The following MEIS1 variants were observed in gnomAD, a reference collection of about 807,000 sequenced individuals.
The protein encoded by MEIS1 is homeobox protein Meis1.
MEIS1 carries 5 observed loss-of-function variants against 50.8 expected under a neutral mutation model. The ratio of observed to expected loss-of-function variants is 0.10; its 90% CI spans 0.05 to 0.21. The LOEUF (loss-of-function observed/expected upper bound fraction) is 0.21, where lower values mean the gene tolerates loss of function less well. Ranked by LOEUF, MEIS1 falls within the 10% of genes least tolerant of loss-of-function variation. The pLI, the probability that MEIS1 is intolerant of heterozygous loss-of-function variation, is 1.00. For synonymous variants in MEIS1, 176 were observed against 179.3 expected (o/e 0.98, Z 0.15); for missense variants, 318 against 517.3 (o/e 0.61, Z 3.74).
At chr2:66,473,397 A>AAAAAAAAACAAAATATATATATAT in intron 7 of MEIS1, among the ~76,000 whole-genome samples, 1 of 107,614 alleles carries the variant, frequency 9.3e-6, no homozygotes, top group Non-Finnish European at 1.7e-5. Context: ...AAAAAAAAAA[A>AAAAAAAAACAAAATATATATATAT]ATATATATAT....
At chr2:66,436,898 G>A in intron 1 of MEIS1, 4 of 981,906 alleles carry the variant, frequency 4.1e-6, no homozygotes, top group South Asian at 4.7e-5. Context: ...TCTGGAAGAG[G>A]AAGATGGAAA....
At chr2:66,565,004 TTAAG>T (rs1675312003) in intron 9 of MEIS1, among the ~76,000 whole-genome samples, 1 of 152,124 alleles carries the variant, frequency 6.6e-6, no homozygotes, top group Admixed American at 6.6e-5. Flanking sequence ...GGGTGGCCTC[TTAAG>T]TAAGGTGGTG....
intron 7 of MEIS1, among the ~76,000 whole-genome samples, chr2:66,466,431 T>C (rs1263725188): frequency 5.3e-5 from 8 of 152,360 alleles, no homozygotes; most frequent in Middle Eastern, 6.8e-3. Flanking sequence ...GGCAGTTGAA[T>C]TTATTCCTGC....
chr2:66,559,143 GAGA>G (rs1675149105), intron 9 of MEIS1, among the ~76,000 whole-genome samples: 1 of 151,936 alleles, frequency 6.6e-6, no homozygotes, highest in Admixed American at 6.6e-5. Flanking sequence ...GAGAGAGAGA[GAGA>G]GAGAGACTCT....
intron 2 of MEIS1, among the ~76,000 whole-genome samples, chr2:66,438,690 C>A (rs1573114529): frequency 6.6e-6 from 1 of 152,158 alleles, no homozygotes; most frequent in Admixed American, 6.5e-5. Context: ...TTCGATTAGA[C>A]CCTGGGCTAG....
At chr2:66,517,769 C>T (rs563965220) in intron 8 of MEIS1, among the ~76,000 whole-genome samples, 67 of 149,668 alleles carry the variant, frequency 4.5e-4, no homozygotes, top group Non-Finnish European at 8.7e-4. Context: ...CTGTGATATA[C>T]ATCATATAAA....
intron 8 of MEIS1, among the ~76,000 whole-genome samples, chr2:66,544,790 G>T (rs959082430): frequency 1.3e-5 from 2 of 151,438 alleles, no homozygotes; most frequent in African/African-American, 2.4e-5. Flanking sequence ...AAGTGACAGA[G>T]GAAAAAAAGG....
chr2:66,445,573 G>T (rs1230496554), intron 6 of MEIS1, among the ~76,000 whole-genome samples: 6 of 152,204 alleles, frequency 3.9e-5, no homozygotes, highest in African/African-American at 1.4e-4. Context: ...GGTGCGCTCC[G>T]GGACTGGGCG....
At chr2:66,518,499 G>T (rs568477817) in intron 8 of MEIS1, among the ~76,000 whole-genome samples, 33 of 152,198 alleles carry the variant, frequency 2.2e-4, no homozygotes, top group Non-Finnish European at 4.1e-4. Context: ...AGTGCCCATG[G>T]ACTTTTTACA....
intron 9 of MEIS1, chr2:66,562,072 C>CTTTTTTTTTTTTTTTTTTTTTTTTTT (rs749406692): frequency 1.7e-3 from 103 of 62,076 alleles, no homozygotes; most frequent in East Asian, 3.5e-3. Flanking sequence ...TTTTTTTTTA[C>CTTTTTTTTTTTTTTTTTTTTTTTTTT]TTTTATCAGT....
At chr2:66,436,562 G>A (rs1163215867) in intron 1 of MEIS1, among the ~76,000 whole-genome samples, 2 of 152,194 alleles carry the variant, frequency 1.3e-5, no homozygotes, top group Admixed American at 1.3e-4. Context: ...AAAAGAAAGG[G>A]GGTCTACAAA....
intron 7 of MEIS1, among the ~76,000 whole-genome samples, chr2:66,496,546 G>A (rs76209643): frequency 0.026 from 3,902 of 152,266 alleles, 70 homozygotes; most frequent in Middle Eastern, 0.048. Context: ...CTGACGTGGA[G>A]CGATACTTGA....
intron 7 of MEIS1, among the ~76,000 whole-genome samples, chr2:66,498,828 G>C (rs143714710): frequency 2.0e-5 from 3 of 152,118 alleles, no homozygotes; most frequent in Non-Finnish European, 4.4e-5. Flanking sequence ...GTGTGGCCTC[G>C]GCAGTCCCTG....
intron 6 of MEIS1, among the ~76,000 whole-genome samples, chr2:66,458,582 A>AT (rs1446483484): frequency 6.6e-6 from 1 of 152,170 alleles, no homozygotes; most frequent in Non-Finnish European, 1.5e-5. Flanking sequence ...TACATATGTT[A>AT]TGTCTGCAAG....
chr2:66,521,165 T>C (rs1449940679), intron 8 of MEIS1, among the ~76,000 whole-genome samples: 2 of 152,212 alleles, frequency 1.3e-5, no homozygotes, highest in Non-Finnish European at 2.9e-5. Context: ...TTTGTGACAA[T>C]CTTGATAATT....
At chr2:66,567,214 T>A (rs1212631549) in intron 9 of MEIS1, among the ~76,000 whole-genome samples, 1 of 152,124 alleles carries the variant, frequency 6.6e-6, no homozygotes, top group Non-Finnish European at 1.5e-5. Flanking sequence ...AGTGTCCAAC[T>A]GTGGTAAAAC....
intron 6 of MEIS1, among the ~76,000 whole-genome samples, chr2:66,445,689 G>A (rs1173547907): frequency 1.3e-5 from 2 of 152,126 alleles, no homozygotes; most frequent in African/African-American, 4.8e-5. Flanking sequence ...TTCCTCGGAG[G>A]GCGCGAAGAC....
intron 6 of MEIS1, among the ~76,000 whole-genome samples, chr2:66,462,890 G>A (rs1672552395): frequency 6.6e-6 from 1 of 151,926 alleles, no homozygotes; most frequent in African/African-American, 2.4e-5. Context: ...TAATCTTCTG[G>A]CCAAGATTAT....
At chr2:66,479,697 A>G (rs1672973359) in intron 7 of MEIS1, among the ~76,000 whole-genome samples, 1 of 152,202 alleles carries the variant, frequency 6.6e-6, no homozygotes. Flanking sequence ...AAGAAAATTG[A>G]TCCAGTGAAT....
Sources: allele counts gnomAD v4.1 joint callset (sites outside exome capture counted in the v4.1 genomes callset), GRCh38; gene constraint gnomAD v4.1.1; transcripts MANE v1.5; gene names NCBI Gene and HGNC (gene_info 2026-07-23, HGNC 2026-07-21).